Variants in FYN observed in about 807,000 individuals in gnomAD.
FYN encodes FYN proto-oncogene, Src family tyrosine kinase.
Under a neutral mutation model 70.2 loss-of-function variants are expected in FYN, and 10 were observed. The ratio of observed to expected loss-of-function variants is 0.14; its 90% CI spans 0.09 to 0.24. The LOEUF (loss-of-function observed/expected upper bound fraction) is 0.24. FYN is among the 10% of genes least tolerant of loss of function. The pLI is 1.00. For synonymous variants in FYN, 236 were observed against 248.6 expected (o/e 0.95, Z 0.48); for missense variants, 319 against 673.1 (o/e 0.47, Z 5.82).
intron 3 of FYN, among the ~76,000 whole-genome samples, chr6:111,753,278 A>T (rs1238221650): frequency 6.6e-6 from 1 of 152,182 alleles, no homozygotes; most frequent in African/African-American, 2.4e-5. Context: ...TACAGATTTC[A>T]GTAATGCATT....
intron 1 of FYN, among the ~76,000 whole-genome samples, chr6:111,869,785 A>G (rs1366596739): frequency 1.3e-5 from 2 of 152,238 alleles, no homozygotes; most frequent in Non-Finnish European, 2.9e-5. Context: ...CTTTTGGAGT[A>G]AAAGAACCAC....
chr6:111,745,822 AAC>A (rs1177364059), intron 3 of FYN, among the ~76,000 whole-genome samples: 2 of 152,260 alleles, frequency 1.3e-5, no homozygotes, highest in African/African-American at 4.8e-5. Context: ...ATTCTGAATT[AAC>A]ACAGCCCACA....
At chr6:111,712,431 G>C (rs1037665056) in intron 5 of FYN, among the ~76,000 whole-genome samples, 6 of 152,136 alleles carry the variant, frequency 3.9e-5, no homozygotes, top group African/African-American at 1.4e-4. Context: ...CCCAGCCCCA[G>C]TCAACTCTCC....
chr6:111,672,996 AG>A (rs563413557), intron 13 of FYN, among the ~76,000 whole-genome samples: 102 of 152,314 alleles, frequency 6.7e-4, no homozygotes, highest in Non-Finnish European at 1.2e-3. Context: ...TATTACTGGA[AG>A]GGAAGGCTTC....
At chr6:111,866,101 C>T (rs534890471) in intron 1 of FYN, among the ~76,000 whole-genome samples, 1 of 152,296 alleles carries the variant, frequency 6.6e-6, no homozygotes, top group Non-Finnish European at 1.5e-5. Context: ...TATACACATA[C>T]ACACATACAT....
chr6:111,843,905 G>A (rs150368304), intron 2 of FYN, among the ~76,000 whole-genome samples: 1 of 152,182 alleles, frequency 6.6e-6, no homozygotes, highest in Non-Finnish European at 1.5e-5. Flanking sequence ...GAGTGTCAAG[G>A]AAGAGCTCTC....
At chr6:111,748,438 T>C (rs1409705019) in intron 3 of FYN, among the ~76,000 whole-genome samples, 25 of 152,238 alleles carry the variant, frequency 1.6e-4, no homozygotes, top group Non-Finnish European at 1.0e-4. Context: ...ACTCATTTTA[T>C]AGCAGTTCAT....
intron 12 of FYN, among the ~76,000 whole-genome samples, chr6:111,689,480 C>A (rs1335007346): frequency 2.0e-5 from 3 of 152,178 alleles, no homozygotes; most frequent in African/African-American, 7.2e-5. Context: ...GAGATGAGGG[C>A]ATGTGTGTAT....
At chr6:111,744,017 G>C (rs1262021982) in intron 3 of FYN, among the ~76,000 whole-genome samples, 1 of 152,226 alleles carries the variant, frequency 6.6e-6, no homozygotes, top group African/African-American at 2.4e-5. Context: ...TGGGACATGA[G>C]ATTGGACCGC....
intron 1 of FYN, among the ~76,000 whole-genome samples, chr6:111,848,718 C>T (rs1262622442): frequency 1.3e-5 from 2 of 152,170 alleles, no homozygotes; most frequent in Non-Finnish European, 2.9e-5. Context: ...AATAGAATTG[C>T]TATCTAGAAT....
chr6:111,682,561 G>A (rs1041073266), intron 12 of FYN, among the ~76,000 whole-genome samples: 3 of 152,226 alleles, frequency 2.0e-5, no homozygotes, highest in Admixed American at 1.3e-4. Context: ...TACTTTTGCT[G>A]CCAAATCACC....
intron 2 of FYN, chr6:111,814,212 A>T (rs868791011): frequency 4.6e-5 from 7 of 152,152 alleles, no homozygotes; most frequent in Admixed American, 2.0e-4. Flanking sequence ...ACATTTTAGA[A>T]ATAGGTCAAA....
At chr6:111,764,578 C>T (rs559810034) in intron 3 of FYN, among the ~76,000 whole-genome samples, 2 of 152,176 alleles carry the variant, frequency 1.3e-5, no homozygotes, top group Non-Finnish European at 2.9e-5. Flanking sequence ...GATGACACAG[C>T]GTGAGAAGCC....
In FYN at chr6:111,712,034, A is replaced by C. The variant is rs1800403857; in HGVS notation, c.344+2313T>G. Among the ~76,000 whole-genome samples the C allele has an allele frequency of 3.3e-5, 5 of 152,314 alleles. 1 individual carries two copies. The South Asian group carries it at 1.0e-3, about 32-fold the overall frequency. On this transcript the variant is annotated intron_variant, in intron 5 of 13. Transcript: ENST00000354650. ...CAAAGGCCGTGCATGGAAGTCACAA[A>C]ATAGAGATTGAGACGGATTGGATCC...
chr6:111,809,770 T>C (rs192356487), intron 2 of FYN, among the ~76,000 whole-genome samples: 5 of 152,322 alleles, frequency 3.3e-5, no homozygotes, highest in Admixed American at 1.3e-4. Flanking sequence ...ATCGGTTTTC[T>C]ACTTGAGATG....
At chr6:111,784,263 C>T (rs896478449) in intron 2 of FYN, among the ~76,000 whole-genome samples, 1 of 152,176 alleles carries the variant, frequency 6.6e-6, no homozygotes, top group Non-Finnish European at 1.5e-5. Flanking sequence ...CAAGAAATGT[C>T]TTCTTGTTTA....
At chr6:111,790,661 C>T (rs1771585935) in intron 2 of FYN, among the ~76,000 whole-genome samples, 1 of 152,152 alleles carries the variant, frequency 6.6e-6, no homozygotes, top group Non-Finnish European at 1.5e-5. Context: ...GATTTATTTT[C>T]CCAGCTCTGA....
At chr6:111,733,064 G>GT (rs1170481277) in intron 3 of FYN, among the ~76,000 whole-genome samples, 1 of 152,114 alleles carries the variant, frequency 6.6e-6, no homozygotes, top group African/African-American at 2.4e-5. Flanking sequence ...AGGTCAAAGG[G>GT]TGGCTGTGTG....
At chr6:111,870,950 T>C (rs1774253506) in intron 1 of FYN, among the ~76,000 whole-genome samples, 1 of 152,208 alleles carries the variant, frequency 6.6e-6, no homozygotes, top group Non-Finnish European at 1.5e-5. Context: ...ATTAACCCTA[T>C]TGCTTTTTTT....
Sources: gnomAD v4.1 joint callset for allele counts (sites outside exome capture counted in the v4.1 genomes callset) on GRCh38, gnomAD v4.1.1 for gene constraint, MANE v1.5 for transcripts, NCBI Gene and HGNC (gene_info 2026-07-23, HGNC 2026-07-21) for gene names.